Variants in CTNNA2 observed in about 807,000 individuals in gnomAD.
CTNNA2 encodes the protein catenin alpha-2.
Under a neutral mutation model 101.0 loss-of-function variants are expected in CTNNA2, and 42 were observed. The observed-to-expected ratio is 0.42, with a 90% CI of 0.32 to 0.54. The LOEUF (loss-of-function observed/expected upper bound fraction) is 0.54, where lower values mean the gene tolerates loss of function less well. Ranked by LOEUF, CTNNA2 falls within the 20% of genes least tolerant of loss-of-function variation. The pLI is 0.14. For synonymous variants in CTNNA2, 450 were observed against 456.4 expected (o/e 0.99, Z 0.18); for missense variants, 871 against 1,223.1 (o/e 0.71, Z 4.29).
At chr2:79,391,620 CA>C (rs1678173396) in intron 4 of CTNNA2, among the ~76,000 whole-genome samples, 2 of 152,022 alleles carry the variant, frequency 1.3e-5, no homozygotes, top group Admixed American at 6.6e-5. Flanking sequence ...TTAATCACCT[CA>C]AAAAACTGAT....
At position 80,548,956 on chromosome 2, in the gene CTNNA2, A is replaced by G. The variant is rs553258447; in HGVS notation, c.1540+2893A>G. ...AGGAAACTCTATTTAAAAAACAATA[A>G]AAACAGATCTTTGTTTTTAAAAGAT... On this transcript the variant is annotated intron_variant, in intron 11 of 18. Transcript: ENST00000402739. Among the ~76,000 whole-genome samples the G allele has an allele frequency of 1.7e-4, 26 of 152,322 alleles. No homozygotes were observed. The East Asian group carries it at 4.6e-3, about 27-fold the overall frequency.
intron 9 of CTNNA2, among the ~76,000 whole-genome samples, chr2:80,538,526 G>T (rs1022818953): frequency 1.3e-5 from 2 of 152,164 alleles, no homozygotes; most frequent in African/African-American, 4.8e-5. Flanking sequence ...TCAAAGATCA[G>T]ATGGTTATAG....
chr2:79,350,949 T>A (rs942680664), intron 3 of CTNNA2, among the ~76,000 whole-genome samples: 5 of 152,236 alleles, frequency 3.3e-5, no homozygotes. Flanking sequence ...TTGAGAAATG[T>A]CAGTTTATGT....
intron 1 of CTNNA2, among the ~76,000 whole-genome samples, chr2:79,568,081 TCAC>T (rs1675225574): frequency 6.6e-6 from 1 of 152,156 alleles, no homozygotes; most frequent in East Asian, 1.9e-4. Flanking sequence ...AATTTTTTTC[TCAC>T]CTGGTATATT....
chr2:80,353,082 A>G (rs1673461880), intron 7 of CTNNA2, among the ~76,000 whole-genome samples: 1 of 152,130 alleles, frequency 6.6e-6, no homozygotes, highest in African/African-American at 2.4e-5. Flanking sequence ...AACCTAGTTC[A>G]TCTTGTTCCA....
intron 7 of CTNNA2, among the ~76,000 whole-genome samples, chr2:80,127,116 T>G (rs923571745): frequency 5.3e-5 from 8 of 152,190 alleles, no homozygotes; most frequent in African/African-American, 1.9e-4. Flanking sequence ...CCTTGCAAGT[T>G]AGTCAGGTAA....
chr2:80,086,689 T>C (rs1275314210), intron 7 of CTNNA2, among the ~76,000 whole-genome samples: 1 of 152,042 alleles, frequency 6.6e-6, no homozygotes, highest in Non-Finnish European at 1.5e-5. Flanking sequence ...AGTTTATCTA[T>C]AGGCAAAGGC....
chr2:79,380,662 T>C (rs980971910), intron 4 of CTNNA2, among the ~76,000 whole-genome samples: 6 of 152,168 alleles, frequency 3.9e-5, no homozygotes, highest in Admixed American at 2.0e-4. Context: ...CTGCAACACC[T>C]GGATGATTGC....
chr2:79,626,607 G>A (rs530355199), intron 1 of CTNNA2, among the ~76,000 whole-genome samples: 62 of 131,652 alleles, frequency 4.7e-4, no homozygotes, highest in Non-Finnish European at 7.5e-4. Context: ...GTGTATGTGC[G>A]TGTGTGTGTG....
intron 4 of CTNNA2, among the ~76,000 whole-genome samples, chr2:79,440,472 A>G (rs1678765558): frequency 6.6e-6 from 1 of 152,120 alleles, no homozygotes; most frequent in African/African-American, 2.4e-5. Flanking sequence ...TAAGTACACT[A>G]CTATTTTTAT....
intron 3 of CTNNA2, among the ~76,000 whole-genome samples, chr2:79,760,638 G>C (rs1166497402): frequency 6.6e-6 from 1 of 152,156 alleles, no homozygotes; most frequent in African/African-American, 2.4e-5. Flanking sequence ...CTTAGTGTTT[G>C]ATTATATTAC....
chr2:79,931,015 A>G (rs1687403117), intron 7 of CTNNA2, among the ~76,000 whole-genome samples: 1 of 151,778 alleles, frequency 6.6e-6, no homozygotes, highest in African/African-American at 2.4e-5. Context: ...AAAATAATAT[A>G]TGATTTTTTT....
chr2:80,200,743 C>T (rs1029362411), intron 7 of CTNNA2, among the ~76,000 whole-genome samples: 3 of 152,070 alleles, frequency 2.0e-5, no homozygotes, highest in Non-Finnish European at 2.9e-5. Flanking sequence ...ACCATGTTGG[C>T]CAGGATGGTA....
At chr2:79,266,043 G>T (rs1674982799) in intron 2 of CTNNA2, among the ~76,000 whole-genome samples, 1 of 152,140 alleles carries the variant, frequency 6.6e-6, no homozygotes, top group African/African-American at 2.4e-5. Context: ...TGTACCTATA[G>T]CAATTTAATC....
chr2:80,427,398 C>T (rs140156069), intron 9 of CTNNA2, among the ~76,000 whole-genome samples: 1 of 152,304 alleles, frequency 6.6e-6, no homozygotes, highest in African/African-American at 2.4e-5. Flanking sequence ...TTAACTCTCT[C>T]AAGAGGCTCC....
intron 11 of CTNNA2, among the ~76,000 whole-genome samples, chr2:80,553,924 T>A (rs952362939): frequency 3.3e-5 from 5 of 152,188 alleles, no homozygotes; most frequent in Admixed American, 3.3e-4. Context: ...CAAGAAAATG[T>A]CATGATTTGG....
At chr2:79,713,463 C>G (rs1161191022) in intron 2 of CTNNA2, among the ~76,000 whole-genome samples, 1 of 152,050 alleles carries the variant, frequency 6.6e-6, no homozygotes, top group East Asian at 1.9e-4. Flanking sequence ...TTTAAAAGAG[C>G]ATTAAGAACC....
At chr2:80,462,631 C>CT (rs753815778) in intron 9 of CTNNA2, among the ~76,000 whole-genome samples, 1,504 of 94,712 alleles carry the variant, frequency 0.016, 35 homozygotes, top group South Asian at 0.033. Context: ...TTCTTTCTTT[C>CT]TTTTTTTTTT....
At chr2:79,985,431 G>C (rs955402149) in intron 7 of CTNNA2, among the ~76,000 whole-genome samples, 1 of 151,602 alleles carries the variant, frequency 6.6e-6, no homozygotes, top group Non-Finnish European at 1.5e-5. Context: ...TGTGCAAACT[G>C]CCTCTTCAGT....
Sources: allele counts gnomAD v4.1 joint callset (sites outside exome capture counted in the v4.1 genomes callset), GRCh38; gene constraint gnomAD v4.1.1; transcripts MANE v1.5; gene names NCBI Gene and HGNC (gene_info 2026-07-23, HGNC 2026-07-21).